The following EYA1 variants were observed in gnomAD, a reference collection of about 807,000 sequenced individuals.
EYA1 encodes protein phosphatase EYA1.
EYA1 carries 16 observed loss-of-function variants against 82.0 expected under a neutral mutation model. That is an observed-to-expected ratio of 0.20 (90% confidence interval 0.13 to 0.30). EYA1 has a LOEUF of 0.30. EYA1 is among the 10% of genes least tolerant of loss of function. EYA1 has a pLI of 1.00. For missense variants in EYA1, 633 were observed against 730.7 expected, an observed-to-expected ratio of 0.87 and a Z score of 1.54; for synonymous variants, 261 against 264.4, an observed-to-expected ratio of 0.99 and a Z score of 0.12.
At position 71,223,274 on chromosome 8, in the gene EYA1, C is replaced by T. The variant is rs999961781; in HGVS notation, c.1141-6251G>A. Among the ~76,000 whole-genome samples, 6 of 152,256 alleles carry T rather than the reference C, an allele frequency of 3.9e-5. No homozygotes were observed. The East Asian group carries it at 7.7e-4, about 20-fold the overall frequency. On this transcript the variant is annotated intron_variant, in intron 12 of 17. Coordinates refer to ENST00000340726, the MANE Select transcript of EYA1 (RefSeq NM_000503.6). Reference sequence around the variant, plus strand: ...GGGCAGATGGCACCAGTCAGAGGTGCGGTGTTGTGCCCACAGTTACCAGCC... The same window carrying T: ...GGGCAGATGGCACCAGTCAGAGGTGTGGTGTTGTGCCCACAGTTACCAGCC...
chr8:71,463,240 G>C, intron 2 of EYA1, among the ~76,000 whole-genome samples: 1 of 152,154 alleles, frequency 6.6e-6, no homozygotes. Context: ...AAAGGTACAT[G>C]GTTTTCTCAT....
chr8:71,448,306 C>T (rs1807064589), intron 2 of EYA1, among the ~76,000 whole-genome samples: 1 of 152,162 alleles, frequency 6.6e-6, no homozygotes, highest in African/African-American at 2.4e-5. Flanking sequence ...ATGTTCATGG[C>T]ATCTTCAATA....
intron 2 of EYA1, among the ~76,000 whole-genome samples, chr8:71,475,202 T>C (rs1429239591): frequency 6.6e-6 from 1 of 152,188 alleles, no homozygotes; most frequent in Non-Finnish European, 1.5e-5. Flanking sequence ...AGATAGCCCA[T>C]TTAATTTAAA....
At chr8:71,493,881 G>C (rs1811203850) in intron 2 of EYA1, among the ~76,000 whole-genome samples, 1 of 148,136 alleles carries the variant, frequency 6.8e-6, no homozygotes, top group African/African-American at 2.5e-5. Flanking sequence ...AAATTAGCCG[G>C]GCGTAGTGGC....
chr8:71,276,988 G>T (rs767946908), intron 9 of EYA1, among the ~76,000 whole-genome samples: 4 of 151,934 alleles, frequency 2.6e-5, no homozygotes, highest in Non-Finnish European at 5.9e-5. Flanking sequence ...ACTGAAAAAA[G>T]TGTTGTCACC....
intron 11 of EYA1, among the ~76,000 whole-genome samples, chr8:71,245,955 T>TA (rs1813040158): frequency 6.6e-6 from 1 of 152,174 alleles, no homozygotes; most frequent in African/African-American, 2.4e-5. Flanking sequence ...AGCCTCTCCC[T>TA]ACAAGCCACC....
At chr8:71,368,442 G>A (rs989457827) in intron 2 of EYA1, among the ~76,000 whole-genome samples, 2 of 151,876 alleles carry the variant, frequency 1.3e-5, no homozygotes, top group Admixed American at 6.6e-5. Context: ...GTAGAGAGTG[G>A]ATGCAGGGGA....
At chr8:71,397,811 A>T (rs1197982871) in intron 2 of EYA1, among the ~76,000 whole-genome samples, 2 of 151,976 alleles carry the variant, frequency 1.3e-5, no homozygotes, top group African/African-American at 4.8e-5. Context: ...TGTTCTCTGT[A>T]TTTCCTGAAT....
chr8:71,448,838 G>T, intron 2 of EYA1: 2 of 167,906 alleles, frequency 1.2e-5, no homozygotes, highest in South Asian at 3.7e-4. Context: ...CTAAGAAACT[G>T]AACTTTTCTG....
chr8:71,245,793 C>T (rs1313834813), intron 11 of EYA1, among the ~76,000 whole-genome samples: 1 of 152,180 alleles, frequency 6.6e-6, no homozygotes, highest in African/African-American at 2.4e-5. Flanking sequence ...CCACCAGGCA[C>T]TGTCCAGCTC....
chr8:71,265,057 C>T (rs1815618126), intron 11 of EYA1, among the ~76,000 whole-genome samples: 1 of 152,186 alleles, frequency 6.6e-6, no homozygotes, highest in Non-Finnish European at 1.5e-5. Context: ...GATCCTCTTT[C>T]TATCACACTC....
At chr8:71,269,511 G>T (rs1017115825) in intron 11 of EYA1, among the ~76,000 whole-genome samples, 1 of 152,170 alleles carries the variant, frequency 6.6e-6, no homozygotes, top group East Asian at 1.9e-4. Context: ...GTCTGAATAA[G>T]CATGACTTTA....
chr8:71,433,039 T>G (rs1363996319), intron 2 of EYA1, among the ~76,000 whole-genome samples: 3 of 152,192 alleles, frequency 2.0e-5, no homozygotes, highest in Non-Finnish European at 4.4e-5. Context: ...AACAAAGGTT[T>G]AAAGAGACAC....
chr8:71,292,000 A>AT (rs2128988534), intron 9 of EYA1, among the ~76,000 whole-genome samples: 1 of 152,264 alleles, frequency 6.6e-6, no homozygotes, highest in South Asian at 2.1e-4. Flanking sequence ...CAGCACAGTA[A>AT]TTGGATTATA....
chr8:71,389,008 G>A (rs756492973), intron 2 of EYA1, among the ~76,000 whole-genome samples: 8 of 151,522 alleles, frequency 5.3e-5, no homozygotes, highest in East Asian at 2.0e-4. Context: ...CCCTCCACAC[G>A]AGAACGCCTG....
chr8:71,288,393 C>A (rs1049973525), intron 9 of EYA1, among the ~76,000 whole-genome samples: 14 of 152,126 alleles, frequency 9.2e-5, no homozygotes, highest in African/African-American at 3.1e-4. Context: ...CACACTACAC[C>A]CTTCTGTCTC....
At chr8:71,510,573 C>T (rs1812521403) in intron 2 of EYA1, among the ~76,000 whole-genome samples, 1 of 152,132 alleles carries the variant, frequency 6.6e-6, no homozygotes, top group South Asian at 2.1e-4. Flanking sequence ...AAGGAGAAAG[C>T]CCCTTATAAA....
At chr8:71,242,812 T>C (rs939663293) in intron 12 of EYA1, among the ~76,000 whole-genome samples, 1 of 149,858 alleles carries the variant, frequency 6.7e-6, no homozygotes, top group Non-Finnish European at 1.5e-5. Flanking sequence ...GTTTTGCTCT[T>C]GTTGCCCAGG....
intron 2 of EYA1, among the ~76,000 whole-genome samples, chr8:71,424,974 T>G (rs1242225638): frequency 2.6e-5 from 4 of 151,988 alleles, no homozygotes; most frequent in African/African-American, 7.2e-5. Flanking sequence ...AAAATGCACA[T>G]TTTAGGCCGG....
Sources: gnomAD v4.1 joint callset for allele counts (sites outside exome capture counted in the v4.1 genomes callset) on GRCh38, gnomAD v4.1.1 for gene constraint, MANE v1.5 for transcripts, NCBI Gene and HGNC (gene_info 2026-07-23, HGNC 2026-07-21) for gene names.